CNOT4: variants seen among roughly 807,000 people sequenced by gnomAD.
The protein encoded by CNOT4 is CCR4-associated factor 4.
In CNOT4, 8 loss-of-function variants were observed where a neutral mutation model predicts 73.8. The ratio of observed to expected loss-of-function variants is 0.11; its 90% CI spans 0.06 to 0.20. The LOEUF (loss-of-function observed/expected upper bound fraction) is 0.20. Among genes scored for constraint, CNOT4 ranks in the 10% least tolerant of loss-of-function variants. The pLI, the probability that CNOT4 is intolerant of heterozygous loss-of-function variation, is 1.00. For synonymous variants in CNOT4, 293 were observed against 321.1 expected (o/e 0.91, Z 0.94); for missense variants, 564 against 883.4 (o/e 0.64, Z 4.58).
intron 1 of CNOT4, chr7:135,444,933 C>G: frequency 6.3e-7 from 1 of 1,585,324 alleles, no homozygotes; most frequent in African/African-American, 1.3e-5. Flanking sequence ...GAAGCTCTGA[C>G]CTTTTTGACT....
At chr7:135,438,808 G>C (rs1439601676) in intron 1 of CNOT4, among the ~76,000 whole-genome samples, 1 of 152,098 alleles carries the variant, frequency 6.6e-6, no homozygotes, top group Non-Finnish European at 1.5e-5. Context: ...TCTAAAGTTT[G>C]TCACAATTTA....
At chr7:135,431,519 G>A (rs531799836) in intron 2 of CNOT4, among the ~76,000 whole-genome samples, 31 of 152,274 alleles carry the variant, frequency 2.0e-4, no homozygotes, top group Middle Eastern at 3.4e-3. Context: ...CAAGGCGGGT[G>A]GATCACGAGG....
At chr7:135,503,688 T>G (rs1181617724) in intron 1 of CNOT4, among the ~76,000 whole-genome samples, 2 of 152,202 alleles carry the variant, frequency 1.3e-5, no homozygotes, top group South Asian at 4.1e-4. Flanking sequence ...AGGTCCCTAC[T>G]GACAGTAAGA....
At chr7:135,416,528 G>A (rs575471502) in intron 3 of CNOT4, among the ~76,000 whole-genome samples, 10 of 152,236 alleles carry the variant, frequency 6.6e-5, no homozygotes, top group East Asian at 5.8e-4. Context: ...TAAGTCATCC[G>A]TAGCAAAGTC....
At chr7:135,491,623 G>C (rs1049693036) in intron 1 of CNOT4, among the ~76,000 whole-genome samples, 1 of 152,176 alleles carries the variant, frequency 6.6e-6, no homozygotes, top group Non-Finnish European at 1.5e-5. Flanking sequence ...GCTTAAGAGA[G>C]AACATGAGAA....
In CNOT4 at chr7:135,460,825, T is replaced by C. The variant is rs117264610; in HGVS notation, c.-92-22402A>G. 2.0e-4 allele frequency among the ~76,000 whole-genome samples: 31 copies of C among 152,298 alleles called. 1 individual carries two copies. The East Asian group carries it at 6.0e-3, about 29-fold the overall frequency. ...TTAAAGCAGTACACAATAAGGCAAC[T>C]TACGCCTGTAATTCTGAATTGCCTG... On this transcript the variant is annotated intron_variant, in intron 1 of 11. Transcript: ENST00000541284.
At position 135,362,585 on chromosome 7, in the gene CNOT4, CAAT is replaced by C. The variant is rs1306457317; in HGVS notation, c.*297_*299del. 2 of 504,718 alleles carry C rather than the reference CAAT, an allele frequency of 4.0e-6. No individual in the cohort carries two copies. The highest frequency in any genetic ancestry group is 3.9e-5 in the African/African-American group (2 of 51,780). The allele number at this position is 504,718 out of a possible 1,614,324, so 31.3% of individuals were successfully genotyped here. On this transcript the variant is annotated 3_prime_UTR_variant, in exon 12 of 12. Transcript: ENST00000541284. ...GTCATTATTATGCGCAACAGACAAA[CAAT>C]AATTTTCTAAGTATTGAGACTGCCC... is the stretch of plus-strand genomic sequence containing the variant.
At chr7:135,415,294 G>A in intron 3 of CNOT4, 32 bp from the exon 4 acceptor site, 3 of 1,156,108 alleles carry the variant, frequency 2.6e-6, no homozygotes, top group African/African-American at 1.5e-5. Flanking sequence ...GGTATAAACT[G>A]TCCCCATTTT....
chr7:135,429,811 GACCGATGAAT>G (rs1240888842), intron 2 of CNOT4, among the ~76,000 whole-genome samples: 5 of 152,146 alleles, frequency 3.3e-5, no homozygotes, highest in African/African-American at 1.2e-4. Flanking sequence ...AAAGAAATAA[GACCGATGAAT>G]ACCATAACTA....
At position 135,410,494 on chromosome 7, in the gene CNOT4, A is replaced by G. The variant is rs761240118; in HGVS notation, c.821+21T>C. The stretch of plus-strand genomic sequence containing the variant: ...AACTGATAAGAAGGTAAGATGTCTG[A>G]CTATCAATATCAATACTTACGTATC... On this transcript the variant is annotated intron_variant, in intron 7 of 11. Coordinates refer to ENST00000541284, the MANE Select transcript of CNOT4 (RefSeq NM_001190850.2). 10 of 1,420,940 alleles carry G rather than the reference A, an allele frequency of 7.0e-6. No individual in the cohort carries two copies. The African/African-American group carries it at 7.3e-5, about 10-fold the overall frequency. 88.0% of individuals were successfully genotyped at this position (1,420,940 alleles called of 1,614,324 possible). A position where few individuals can be genotyped will look rare whatever the true frequency, so the allele number is the denominator to read the frequency against.
chr7:135,406,984 C>A (rs904856422), intron 7 of CNOT4, among the ~76,000 whole-genome samples: 1 of 152,214 alleles, frequency 6.6e-6, no homozygotes, highest in Non-Finnish European at 1.5e-5. Context: ...GAAGGTGGGG[C>A]CTGGTGGGAG....
At chr7:135,415,746 A>G (rs906142404) in intron 3 of CNOT4, among the ~76,000 whole-genome samples, 1 of 152,162 alleles carries the variant, frequency 6.6e-6, no homozygotes, top group African/African-American at 2.4e-5. Flanking sequence ...CTGTTTATAA[A>G]TCACAAATTT....
rs1794686957 is a variant in CNOT4, at chr7:135,362,340, C to A, written c.*545G>T. 4.1e-5 allele frequency: 7 copies of A among 169,918 alleles called. No individual in the cohort carries two copies. In the South Asian group the frequency reaches 9.7e-4, roughly 24 times the overall value. 10.5% of individuals were successfully genotyped at this position (169,918 alleles called of 1,614,324 possible). On this transcript the variant is annotated 3_prime_UTR_variant, in exon 12 of 12. Transcript: ENST00000541284. ...GCTTAATGACACAATCAAGTCCTTG[C>A]CATCAACTTGCCAAAAGAATTAAAA...
rs78300833 is a variant in CNOT4 at position 135,428,898 on chromosome 7, A to G, written c.175-6545T>C. Among the ~76,000 whole-genome samples, 348 of 152,264 alleles carry G rather than the reference A, an allele frequency of 2.3e-3. 13 individuals carry two copies. In the East Asian group the frequency reaches 0.054, roughly 24 times the overall value. On this transcript the variant is annotated intron_variant, in intron 2 of 11. Transcript: ENST00000541284. The stretch of plus-strand genomic sequence containing the variant: ...ACACAAGGGAGATTTACTTTTTGGA[A>G]TTGGCTAATTTTTCCATTGTGGCCT...
chr7:135,413,380 T>A lies in CNOT4; in HGVS notation c.687+108A>T, dbSNP rs184788589. The A allele has an allele frequency of 1.5e-4, 193 of 1,268,108 alleles. 4 individuals carry two copies. In the Admixed American group the frequency reaches 3.9e-3, roughly 26 times the overall value. The allele number at this position is 1,268,108 out of a possible 1,614,324, so 78.6% of individuals were successfully genotyped here. ...TGGCAAATGCTACTTTAAAGTAATA[T>A]CAGTTTTTACAAAATCAAATCCTTA... is the stretch of plus-strand genomic sequence containing the variant. On this transcript the variant is annotated intron_variant, in intron 6 of 11. Coordinates refer to ENST00000541284, the MANE Select transcript of CNOT4 (RefSeq NM_001190850.2).
chr7:135,382,678 G>A (rs1795915534), intron 10 of CNOT4, among the ~76,000 whole-genome samples: 1 of 151,678 alleles, frequency 6.6e-6, no homozygotes, highest in African/African-American at 2.4e-5. Context: ...TTAAAAAATT[G>A]TGTAATTTAT....
At chr7:135,433,239 T>G (rs1013671491) in intron 2 of CNOT4, among the ~76,000 whole-genome samples, 1 of 152,186 alleles carries the variant, frequency 6.6e-6, no homozygotes, top group Admixed American at 6.5e-5. Context: ...CTAAAAGATC[T>G]TCTCAACTTC....
At chr7:135,456,996 A>T (rs1800575696) in intron 1 of CNOT4, among the ~76,000 whole-genome samples, 1 of 152,076 alleles carries the variant, frequency 6.6e-6, no homozygotes. Flanking sequence ...TACTATAACT[A>T]CTAATTCAGC....
intron 1 of CNOT4, among the ~76,000 whole-genome samples, chr7:135,454,288 A>C (rs1800384989): frequency 6.6e-6 from 1 of 151,952 alleles, no homozygotes; most frequent in Non-Finnish European, 1.5e-5. Context: ...CCTGTTTCCA[A>C]TAGAAAATGT....
Sources: gnomAD v4.1 joint callset for allele counts (sites outside exome capture counted in the v4.1 genomes callset) on GRCh38, gnomAD v4.1.1 for gene constraint, MANE v1.5 for transcripts, NCBI Gene and HGNC (gene_info 2026-07-23, HGNC 2026-07-21) for gene names.